The following POLR1B variants were observed in gnomAD, a reference collection of about 807,000 sequenced individuals.
POLR1B encodes the protein DNA-directed RNA polymerase I subunit RPA2.
In POLR1B, 30 loss-of-function variants were observed where a neutral mutation model predicts 105.8. The observed-to-expected ratio is 0.28, with a 90% CI of 0.21 to 0.38. The LOEUF (loss-of-function observed/expected upper bound fraction) is 0.38. Among genes scored for constraint, POLR1B ranks in the 10% least tolerant of loss-of-function variants. The pLI, the probability that POLR1B is intolerant of heterozygous loss-of-function variation, is 1.00. For synonymous variants in POLR1B, 485 were observed against 505.1 expected (o/e 0.96, Z 0.53); for missense variants, 976 against 1,435.8 (o/e 0.68, Z 5.17).
intron 1 of POLR1B, among the ~76,000 whole-genome samples, chr2:112,543,317 C>T (rs760536957): frequency 5.3e-5 from 8 of 152,134 alleles, no homozygotes; most frequent in South Asian, 2.1e-4. Flanking sequence ...GAGGCAGTCC[C>T]GTGTACGAGA....
intron 1 of POLR1B, 189 bp downstream of exon 1, chr2:112,542,860 T>G: frequency 1.5e-6 from 1 of 669,114 alleles, no homozygotes; most frequent in East Asian, 2.7e-5. Flanking sequence ...TCGAGGCGTC[T>G]TAAGAGATGT....
At chr2:112,569,424 G>A (rs1193872215) in intron 12 of POLR1B, among the ~76,000 whole-genome samples, 1 of 152,132 alleles carries the variant, frequency 6.6e-6, no homozygotes, top group East Asian at 1.9e-4. Context: ...TTCACTTGAA[G>A]GAATCTTTCA....
At chr2:112,546,287 A>G (rs142828962) in intron 1 of POLR1B, among the ~76,000 whole-genome samples, 321 of 152,296 alleles carry the variant, frequency 2.1e-3, no homozygotes, top group African/African-American at 7.4e-3. Flanking sequence ...TACATTAAGC[A>G]TCTAGTCTTA....
chr2:112,572,807 G>A (rs1383933345), intron 13 of POLR1B, 49 bp downstream of exon 13: 1 of 1,448,958 alleles, frequency 6.9e-7, no homozygotes, highest in Non-Finnish European at 9.3e-7. Flanking sequence ...TTTTTAACTT[G>A]TTTGTTTACT....
At chr2:112,546,825 A>C (rs1180088625) in intron 1 of POLR1B, 187 bp from the exon 2 acceptor site, 1 of 487,236 alleles carries the variant, frequency 2.1e-6, no homozygotes, top group African/African-American at 2.0e-5. Context: ...GGCCTCCCAA[A>C]GTGCTGAGAT....
Position 112,552,771 on chromosome 2 carries a change from C to G in POLR1B, c.1113C>G (p.Asn371Lys), listed in dbSNP as rs1159048176. Residue 371 changes from asparagine to lysine, a missense_variant, in exon 7 of 15, where the codon AAC (asparagine) becomes AAG (lysine). By Grantham distance (94) the Asn-to-Lys change is moderately conservative. This residue lies in a region of POLR1B where 452 missense variants were observed against 616.5 expected (regional missense o/e 0.73). Coordinates refer to ENST00000263331, the MANE Select transcript of POLR1B (RefSeq NM_019014.6). Reference sequence around the variant, plus strand: ...AGGACAATCCTGATAGTTTGGTGAACCAGGAAGTCCTCACACCGGGTCAGC... The same window carrying G: ...AGGACAATCCTGATAGTTTGGTGAAGCAGGAAGTCCTCACACCGGGTCAGC... ...CMEDNPDSLV[N>K]QEVLTPGQLF... 1 of 1,607,978 alleles carries G rather than the reference C, an allele frequency of 6.2e-7. No individual in the cohort carries two copies.
intron 12 of POLR1B, among the ~76,000 whole-genome samples, 194 bp from the exon 13 acceptor site, chr2:112,572,368 C>G (rs1290960311): frequency 6.6e-6 from 1 of 152,180 alleles, no homozygotes; most frequent in Non-Finnish European, 1.5e-5. Context: ...TTTTCCTGGT[C>G]TGGTCACGTT....
chr2:112,562,040 C>T (rs1053623359), intron 9 of POLR1B, among the ~76,000 whole-genome samples: 6 of 152,176 alleles, frequency 3.9e-5, no homozygotes, highest in South Asian at 4.1e-4. Context: ...ATGCTGAAAA[C>T]GTGCCAGTGA....
intron 9 of POLR1B, among the ~76,000 whole-genome samples, chr2:112,560,647 G>A (rs1272266264): frequency 6.6e-6 from 1 of 152,072 alleles, no homozygotes; most frequent in Non-Finnish European, 1.5e-5. Flanking sequence ...GGTCCTCAGT[G>A]GGATTAATAT....
At chr2:112,571,635 T>C (rs1285757522) in intron 12 of POLR1B, among the ~76,000 whole-genome samples, 2 of 152,156 alleles carry the variant, frequency 1.3e-5, no homozygotes, top group Non-Finnish European at 2.9e-5. Flanking sequence ...GGACCCAATT[T>C]ATATGCTGAA....
chr2:112,565,591 A>G (rs940352725), intron 10 of POLR1B, among the ~76,000 whole-genome samples: 16 of 148,848 alleles, frequency 1.1e-4, no homozygotes, highest in African/African-American at 3.7e-4. Flanking sequence ...GACGGGTCTC[A>G]CTCTGTTGCC....
rs561359064 is a variant in POLR1B at position 112,577,892 on chromosome 2, T to C, written c.*2163T>C. Among the ~76,000 whole-genome samples, 1 of 144,758 alleles carries C rather than the reference T, an allele frequency of 6.9e-6. No homozygotes were observed. The highest frequency in any genetic ancestry group is 2.1e-4 in the South Asian group (1 of 4,654). 95.0% of individuals were successfully genotyped at this position (144,758 alleles called of 152,430 possible). ...GAAAAAACCAATTTAATAGAAAAGA[T>C]AGGCTTTGCTTCAGGAAGCTGGTTG... On this transcript the variant is annotated 3_prime_UTR_variant, in exon 15 of 15. Coordinates refer to ENST00000263331, the MANE Select transcript of POLR1B (RefSeq NM_019014.6).
intron 5 of POLR1B, 96 bp downstream of exon 5, chr2:112,551,098 T>C (rs1683343367): frequency 8.2e-7 from 1 of 1,216,908 alleles, no homozygotes; most frequent in Admixed American, 2.0e-5. Context: ...AAAATAATAC[T>C]GTACTAGTTG....
chr2:112,549,927 A>G (rs1683276382), intron 4 of POLR1B, among the ~76,000 whole-genome samples: 1 of 111,462 alleles, frequency 9.0e-6, no homozygotes, highest in South Asian at 2.8e-4. Flanking sequence ...TCATTATAAT[A>G]TATGTATATG....
Position 112,558,024 on chromosome 2 carries a change from G to T in POLR1B, c.1273G>T (p.Asp425Tyr). 1 of 1,390,118 alleles carries T rather than the reference G, an allele frequency of 7.2e-7. No individual in the cohort carries two copies. Among genetic ancestry groups the T allele is most frequent in the South Asian group, 2.0e-5 (1 of 49,590 alleles). The allele number at this position is 1,390,118 out of a possible 1,614,324, so 86.1% of individuals were successfully genotyped here. ...GATGAGGATTTTTACAATGGGCATA[G>T]ACCTTACAAAACCATTTGAATACCT... ...NLMRIFTMGI[D>Y]LTKPFEYLFA... The change falls in exon 8 of 15, where the codon GAC becomes TAC. Residue 425 changes from aspartate (D) to tyrosine (Y), a missense_variant. Physicochemically the swap from Asp to Tyr is radical, Grantham distance 160 (BLOSUM62 -3). This residue lies in a region of POLR1B where 452 missense variants were observed against 616.5 expected (regional missense o/e 0.73). Transcript: ENST00000263331.
intron 9 of POLR1B, among the ~76,000 whole-genome samples, chr2:112,562,590 A>C (rs1174077715): frequency 6.6e-6 from 1 of 152,176 alleles, no homozygotes; most frequent in East Asian, 1.9e-4. Context: ...ATTGCTAAAA[A>C]ATATTAAATC....
At chr2:112,573,424 G>A (rs770355411) in intron 13 of POLR1B, 138 bp from the exon 14 acceptor site, 3 of 1,153,258 alleles carry the variant, frequency 2.6e-6, no homozygotes, top group Non-Finnish European at 3.6e-6. Flanking sequence ...TTTGTAGTTA[G>A]TATCAGTGAT....
chr2:112,572,336 C>T (rs1320668739), intron 12 of POLR1B, among the ~76,000 whole-genome samples: 1 of 152,292 alleles, frequency 6.6e-6, no homozygotes, highest in Non-Finnish European at 1.5e-5. Flanking sequence ...TGTCAGTCTG[C>T]ACTTTCTCCC....
Position 112,567,948 on chromosome 2 carries a change from CTGTT to C in POLR1B, c.1747-17_1747-14del, listed in dbSNP as rs1224818511. 3.1e-6 allele frequency: 5 copies of C among 1,611,222 alleles called. No homozygotes were observed. Among genetic ancestry groups the C allele is most frequent in the Non-Finnish European group, 4.2e-6 (5 of 1,177,798 alleles). On this transcript the variant is annotated splice_polypyrimidine_tract_variant and intron_variant, in intron 10 of 14. Transcript: ENST00000263331. ...GGCCTTGGGACAGGTTTGTTAAACT[CTGTT>C]TTTGTTAAAAACAGGTGTTGAGAGA...
Sources: gnomAD v4.1 joint callset for allele counts (sites outside exome capture counted in the v4.1 genomes callset) on GRCh38, gnomAD v4.1.1 for gene constraint, gnomAD v4.1.1 regional missense constraint, MANE v1.5 for transcripts, NCBI Gene and HGNC (gene_info 2026-07-23, HGNC 2026-07-21) for gene names.